Variants in CDH20 observed in about 807,000 individuals in gnomAD.
The protein encoded by CDH20 is cadherin-20.
In CDH20, 29 loss-of-function variants were observed where a neutral mutation model predicts 74.2. The observed-to-expected ratio is 0.39, with a 90% confidence interval of 0.29 to 0.53. CDH20 has a LOEUF of 0.53. Among genes scored for constraint, CDH20 ranks in the 20% least tolerant of loss-of-function variants. The probability of loss-of-function intolerance (pLI) is 0.69; values close to 1 mark genes in which losing one functional copy is unlikely to be tolerated. For synonymous variants in CDH20, 469 were observed against 405.4 expected (o/e 1.16, Z -1.88); for missense variants, 988 against 1,048.3 (o/e 0.94, Z 0.79).
At chr18:61,475,152 T>A (rs543347523) in intron 1 of CDH20, among the ~76,000 whole-genome samples, 46 of 152,244 alleles carry the variant, frequency 3.0e-4, no homozygotes, top group Middle Eastern at 6.8e-3. Flanking sequence ...AGAGGGCTGC[T>A]GAAGGGATGG....
At chr18:61,407,383 T>A (rs1912365927) in intron 1 of CDH20, among the ~76,000 whole-genome samples, 1 of 152,140 alleles carries the variant, frequency 6.6e-6, no homozygotes. Context: ...AAGTTAACAA[T>A]TACAAGTTTT....
intron 9 of CDH20, among the ~76,000 whole-genome samples, chr18:61,544,348 G>A (rs967805880): frequency 4.6e-5 from 7 of 152,210 alleles, no homozygotes; most frequent in Admixed American, 2.0e-4. Context: ...TTCTGCAGAC[G>A]GCTTGTATTA....
At position 61,378,990 on chromosome 18, in the gene CDH20, T is replaced by C. The variant is rs138722632; in HGVS notation, c.-153+45163T>C. Reference sequence around the variant, plus strand: ...GCCTTTTTCTCCCCTCTCGGTAGTTTTCGTATAGTATTAAAGACTTCCTGA... The same window carrying C: ...GCCTTTTTCTCCCCTCTCGGTAGTTCTCGTATAGTATTAAAGACTTCCTGA... On this transcript the variant is annotated intron_variant, in intron 1 of 11. Transcript: ENST00000262717. 7.6e-4 allele frequency among the ~76,000 whole-genome samples: 116 copies of C among 152,210 alleles called. 2 individuals are homozygous for C. Among genetic ancestry groups the C allele is most frequent in the African/African-American group, 2.7e-3 (113 of 41,548 alleles).
chr18:61,550,338 C>T lies in CDH20; in HGVS notation c.1900+109C>T. ...TTCAGAACTGGTCTTCCACACCTTG[C>T]TTACTCAAAAGGTGGTAGAGTGAGG... On this transcript the variant is annotated intron_variant, in intron 11 of 11. Transcript: ENST00000262717. 3.0e-6 allele frequency: 4 copies of T among 1,343,938 alleles called. No homozygotes were observed. The South Asian group carries it at 5.6e-5, about 19-fold the overall frequency. 83.3% of individuals were successfully genotyped at this position (1,343,938 alleles called of 1,614,324 possible).
At chr18:61,478,856 A>G (rs1910487044) in intron 1 of CDH20, among the ~76,000 whole-genome samples, 1 of 152,174 alleles carries the variant, frequency 6.6e-6, no homozygotes, top group Non-Finnish European at 1.5e-5. Flanking sequence ...TCTAATGTCT[A>G]GAAGAGCATA....
intron 1 of CDH20, among the ~76,000 whole-genome samples, chr18:61,487,799 G>T (rs1054797266): frequency 3.3e-5 from 5 of 152,138 alleles, no homozygotes; most frequent in African/African-American, 1.2e-4. Context: ...CAGGTAGGGG[G>T]ATAGGGGGTT....
At chr18:61,448,916 T>C (rs1169582510) in intron 1 of CDH20, among the ~76,000 whole-genome samples, 2 of 152,178 alleles carry the variant, frequency 1.3e-5, no homozygotes, top group Admixed American at 6.5e-5. Flanking sequence ...TAAGTGGCCA[T>C]AGCAATCTCT....
At chr18:61,481,185 A>G (rs1447551327) in intron 1 of CDH20, among the ~76,000 whole-genome samples, 1 of 152,222 alleles carries the variant, frequency 6.6e-6, no homozygotes, top group South Asian at 2.1e-4. Flanking sequence ...TGGAGAAAAA[A>G]CAGACAAGTA....
intron 11 of CDH20, among the ~76,000 whole-genome samples, chr18:61,551,731 T>C (rs1913440263): frequency 6.6e-6 from 1 of 152,160 alleles, no homozygotes; most frequent in African/African-American, 2.4e-5. Context: ...AGCACAGAAG[T>C]GGATGACCTG....
At chr18:61,385,313 A>G (rs1911558180) in intron 1 of CDH20, among the ~76,000 whole-genome samples, 1 of 152,174 alleles carries the variant, frequency 6.6e-6, no homozygotes, top group Non-Finnish European at 1.5e-5. Context: ...CAAAAAATAA[A>G]ACAGATTTAA....
chr18:61,383,792 G>A (rs949452317), intron 1 of CDH20, among the ~76,000 whole-genome samples: 2 of 152,118 alleles, frequency 1.3e-5, no homozygotes, highest in Non-Finnish European at 2.9e-5. Context: ...ATTGAAAGGA[G>A]AGACAGACTC....
At chr18:61,406,750 G>A (rs1362702538) in intron 1 of CDH20, among the ~76,000 whole-genome samples, 4 of 152,162 alleles carry the variant, frequency 2.6e-5, no homozygotes, top group African/African-American at 9.7e-5. Flanking sequence ...AGGAATTCAG[G>A]CAGAGGATTA....
chr18:61,462,752 A>T (rs1032081576), intron 1 of CDH20, among the ~76,000 whole-genome samples: 2 of 150,858 alleles, frequency 1.3e-5, no homozygotes, highest in African/African-American at 4.9e-5. Context: ...GGGCATGTCA[A>T]TGGTGGCAGC....
chr18:61,433,132 T>A (rs1441133712), intron 1 of CDH20, among the ~76,000 whole-genome samples: 1 of 152,174 alleles, frequency 6.6e-6, no homozygotes, highest in African/African-American at 2.4e-5. Context: ...AAAATGGGGA[T>A]AAATGGTGTG....
intron 4 of CDH20, among the ~76,000 whole-genome samples, chr18:61,502,729 G>A (rs1382852597): frequency 1.3e-5 from 2 of 152,116 alleles, no homozygotes; most frequent in Admixed American, 6.5e-5. Context: ...GAAGAAACCA[G>A]CCCTCTGAGC....
At chr18:61,458,871 A>AT (rs1568147524) in intron 1 of CDH20, among the ~76,000 whole-genome samples, 2 of 152,218 alleles carry the variant, frequency 1.3e-5, no homozygotes, top group African/African-American at 4.8e-5. Context: ...TTTAAATCTC[A>AT]TCCATGGGGA....
chr18:61,347,550 CCA>C (rs111673270), intron 1 of CDH20, among the ~76,000 whole-genome samples: 3 of 146,788 alleles, frequency 2.0e-5, no homozygotes, highest in African/African-American at 7.6e-5. Context: ...AAAAAAAAAA[CCA>C]CACACACACA....
chr18:61,415,696 T>A (rs1273156187), intron 1 of CDH20, among the ~76,000 whole-genome samples: 2 of 152,222 alleles, frequency 1.3e-5, no homozygotes, highest in African/African-American at 2.4e-5. Context: ...TGATTCATCT[T>A]AAATTTTTGA....
chr18:61,371,580 G>A (rs2144157234), intron 1 of CDH20, among the ~76,000 whole-genome samples: 1 of 152,022 alleles, frequency 6.6e-6, no homozygotes, highest in African/African-American at 2.4e-5. Flanking sequence ...GAAAAATGAG[G>A]TATTTTCTTT....
Sources: allele counts gnomAD v4.1 joint callset (sites outside exome capture counted in the v4.1 genomes callset), GRCh38; gene constraint gnomAD v4.1.1; transcripts MANE v1.5; gene names NCBI Gene and HGNC (gene_info 2026-07-23, HGNC 2026-07-21).